Variants in MARCHF1 observed in about 807,000 individuals in gnomAD.
MARCHF1 encodes the protein E3 ubiquitin-protein ligase MARCHF1.
In MARCHF1, 40 loss-of-function variants were observed where a neutral mutation model predicts 54.2. The ratio of observed to expected loss-of-function variants is 0.74; its 90% CI spans 0.57 to 0.96. The LOEUF (loss-of-function observed/expected upper bound fraction) is 0.96. Among genes scored for constraint, MARCHF1 ranks in the 40% least tolerant of loss-of-function variants. MARCHF1 has a pLI of 0.00. For missense variants in MARCHF1, 586 were observed against 656.5 expected, an observed-to-expected ratio of 0.89 and a Z score of 1.17; for synonymous variants, 236 against 236.3, an observed-to-expected ratio of 1.00 and a Z score of 0.01.
intron 4 of MARCHF1, among the ~76,000 whole-genome samples, chr4:163,721,305 G>T (rs1185172891): frequency 6.6e-6 from 1 of 152,014 alleles, no homozygotes; most frequent in East Asian, 1.9e-4. Flanking sequence ...TTTTGTCTTT[G>T]GTTCTGTTTA....
At chr4:164,241,098 T>G (rs1732730139) in intron 1 of MARCHF1, among the ~76,000 whole-genome samples, 1 of 152,068 alleles carries the variant, frequency 6.6e-6, no homozygotes. Flanking sequence ...GGCAACCATC[T>G]GACATCACTG....
chr4:164,147,898 T>A (rs1405467695), intron 1 of MARCHF1, among the ~76,000 whole-genome samples: 1 of 152,140 alleles, frequency 6.6e-6, no homozygotes, highest in Non-Finnish European at 1.5e-5. Flanking sequence ...TTATTCAGCT[T>A]GATTTAGCCT....
At chr4:164,324,959 GA>G (rs1470186404) in intron 1 of MARCHF1, among the ~76,000 whole-genome samples, 1 of 151,398 alleles carries the variant, frequency 6.6e-6, no homozygotes, top group Non-Finnish European at 1.5e-5. Flanking sequence ...AAGTTCATAT[GA>G]AAAAAATAAA....
At chr4:164,291,489 A>G (rs1231068682) in intron 1 of MARCHF1, among the ~76,000 whole-genome samples, 2 of 152,044 alleles carry the variant, frequency 1.3e-5, no homozygotes, top group South Asian at 2.1e-4. Context: ...AACTTTATTC[A>G]GTACAGTCAT....
chr4:163,855,405 T>C (rs913259102), intron 3 of MARCHF1, among the ~76,000 whole-genome samples: 2 of 152,186 alleles, frequency 1.3e-5, no homozygotes, highest in African/African-American at 4.8e-5. Context: ...TTGAGATTTA[T>C]GTAAAATTGT....
intron 2 of MARCHF1, among the ~76,000 whole-genome samples, chr4:164,070,144 T>A (rs114153584): frequency 1.3e-5 from 2 of 152,288 alleles, no homozygotes; most frequent in African/African-American, 4.8e-5. Flanking sequence ...GGGTGTTGAT[T>A]GAAAAACTAT....
chr4:164,156,845 T>C (rs1418992675), intron 1 of MARCHF1, among the ~76,000 whole-genome samples: 1 of 152,204 alleles, frequency 6.6e-6, no homozygotes, highest in Non-Finnish European at 1.5e-5. Flanking sequence ...GTACCTATGA[T>C]ATGCAAAAAC....
intron 1 of MARCHF1, among the ~76,000 whole-genome samples, chr4:164,209,464 C>T (rs192585292): frequency 2.8e-4 from 42 of 152,140 alleles, no homozygotes; most frequent in Admixed American, 2.6e-3. Flanking sequence ...CTGGAGCACC[C>T]AACAAGAGGA....
intron 3 of MARCHF1, among the ~76,000 whole-genome samples, chr4:163,945,957 G>C (rs985537624): frequency 1.3e-5 from 2 of 151,252 alleles, no homozygotes; most frequent in Non-Finnish European, 2.9e-5. Flanking sequence ...TCTCTGTTAT[G>C]GTAAATATCA....
At position 163,938,593 on chromosome 4, in the gene MARCHF1, A is replaced by T. The variant is rs150649682; in HGVS notation, c.-39+49908T>A. On this transcript the variant is annotated intron_variant, in intron 3 of 9. Coordinates refer to ENST00000514618, the MANE Select transcript of MARCHF1 (RefSeq NM_001394959.1). ...TCTGGGTTGCTGGGTGAAAAGAAAGATCCACTTATTCCTTTAACCTGAAGG... is the reference window on the plus strand; with the variant it reads ...TCTGGGTTGCTGGGTGAAAAGAAAGTTCCACTTATTCCTTTAACCTGAAGG... Among the ~76,000 whole-genome samples the T allele has an allele frequency of 6.4e-4, 98 of 152,224 alleles. 3 individuals are homozygous for T. In the East Asian group the frequency reaches 0.014, roughly 22 times the overall value.
intron 1 of MARCHF1, among the ~76,000 whole-genome samples, chr4:164,150,214 T>C (rs10024239): frequency 0.013 from 1,967 of 152,302 alleles, 39 homozygotes; most frequent in African/African-American, 0.042. Flanking sequence ...AGAGTTTACC[T>C]GGAGAGATAA....
At chr4:163,946,930 TAA>T (rs2110769588) in intron 3 of MARCHF1, among the ~76,000 whole-genome samples, 1 of 152,356 alleles carries the variant, frequency 6.6e-6, no homozygotes, top group South Asian at 2.1e-4. Flanking sequence ...TCAAATTCTA[TAA>T]AGACATTCCA....
At chr4:164,328,876 C>G (rs1474732575) in intron 1 of MARCHF1, among the ~76,000 whole-genome samples, 1 of 152,064 alleles carries the variant, frequency 6.6e-6, no homozygotes, top group East Asian at 1.9e-4. Flanking sequence ...ATATATTTCA[C>G]AGGATAAAAT....
intron 2 of MARCHF1, among the ~76,000 whole-genome samples, chr4:164,071,925 T>C (rs1055458680): frequency 6.6e-6 from 1 of 152,140 alleles, no homozygotes; most frequent in African/African-American, 2.4e-5. Flanking sequence ...TTCATTGTAT[T>C]TTTTAATGAA....
At chr4:163,721,419 G>A (rs1410729449) in intron 4 of MARCHF1, among the ~76,000 whole-genome samples, 15 of 152,124 alleles carry the variant, frequency 9.9e-5, no homozygotes, top group Admixed American at 9.8e-4. Context: ...TGTGCTGCTG[G>A]ATTTGGTTTG....
intron 1 of MARCHF1, among the ~76,000 whole-genome samples, chr4:164,174,776 T>C (rs1189743574): frequency 6.6e-6 from 1 of 152,228 alleles, no homozygotes; most frequent in South Asian, 2.1e-4. Context: ...GCCTAATACC[T>C]ACATAAACCT....
chr4:163,649,797 G>T (rs938979653), intron 5 of MARCHF1, among the ~76,000 whole-genome samples: 2 of 151,664 alleles, frequency 1.3e-5, no homozygotes, highest in African/African-American at 2.4e-5. Context: ...ATTGCTGAAG[G>T]GCTATAATCT....
Position 164,147,288 on chromosome 4 carries a change from G to A in MARCHF1, c.-322-35626C>T, listed in dbSNP as rs372910769. 1.3e-4 allele frequency among the ~76,000 whole-genome samples: 19 copies of A among 146,616 alleles called. No homozygotes were observed. The South Asian group carries it at 2.8e-3, about 22-fold the overall frequency. On this transcript the variant is annotated intron_variant, in intron 1 of 9. Coordinates refer to ENST00000514618, the MANE Select transcript of MARCHF1 (RefSeq NM_001394959.1). The stretch of plus-strand genomic sequence containing the variant: ...GGCGATTCCTCAGGGATCTAGAACT[G>A]GAAATACCATTTGACCCAGCCATCC...
At chr4:164,254,448 T>C (rs1733212831) in intron 1 of MARCHF1, among the ~76,000 whole-genome samples, 1 of 148,894 alleles carries the variant, frequency 6.7e-6, no homozygotes, top group Non-Finnish European at 1.5e-5. Flanking sequence ...ATAAGGTTAA[T>C]ACTTAATTAT....
Sources: allele counts gnomAD v4.1 joint callset (sites outside exome capture counted in the v4.1 genomes callset), GRCh38; gene constraint gnomAD v4.1.1; transcripts MANE v1.5; gene names NCBI Gene and HGNC (gene_info 2026-07-23, HGNC 2026-07-21).